ZNRF2: variants seen among roughly 807,000 people sequenced by gnomAD.
ZNRF2 encodes E3 ubiquitin-protein ligase ZNRF2.
ZNRF2 carries 16 observed loss-of-function variants against 20.4 expected under a neutral mutation model. The ratio of observed to expected loss-of-function variants is 0.79; its 90% CI spans 0.53 to 1.19. The LOEUF (loss-of-function observed/expected upper bound fraction) is 1.19. Ranked by LOEUF, ZNRF2 falls within the 50% of genes most tolerant of loss-of-function variation. The probability of loss-of-function intolerance (pLI) is 0.00; values close to 1 mark genes in which losing one functional copy is unlikely to be tolerated. For synonymous variants in ZNRF2, 178 were observed against 144.9 expected, an observed-to-expected ratio of 1.23 and a Z score of -1.64; for missense variants, 363 against 332.4, an observed-to-expected ratio of 1.09 and a Z score of -0.72.
intron 1 of ZNRF2, among the ~76,000 whole-genome samples, chr7:30,314,306 G>T (rs753750796): frequency 1.3e-5 from 2 of 151,988 alleles, no homozygotes; most frequent in Non-Finnish European, 2.9e-5. Context: ...ATTTTATGGG[G>T]CACACGTAAC....
chr7:30,323,608 T>C (rs771050118), intron 1 of ZNRF2, 34 bp from the exon 2 acceptor site: 1 of 1,387,718 alleles, frequency 7.2e-7, no homozygotes, highest in Admixed American at 2.2e-5. Flanking sequence ...ATATTCAGAA[T>C]AGTTAAGTAA....
intron 2 of ZNRF2, among the ~76,000 whole-genome samples, chr7:30,352,250 TAAAC>T (rs1442854977): frequency 2.6e-5 from 4 of 151,990 alleles, no homozygotes; most frequent in Non-Finnish European, 2.9e-5. Context: ...TCTTTCTACT[TAAAC>T]AAGCTATTCT....
chr7:30,298,364 G>T (rs1459174153), intron 1 of ZNRF2, among the ~76,000 whole-genome samples: 1 of 152,084 alleles, frequency 6.6e-6, no homozygotes, highest in African/African-American at 2.4e-5. Context: ...TAAATGTTTG[G>T]TGATCTTTGG....
intron 1 of ZNRF2, 120 bp from the exon 2 acceptor site, chr7:30,323,522 A>G (rs1295416929): frequency 8.9e-6 from 5 of 562,814 alleles, no homozygotes; most frequent in East Asian, 3.2e-5. Flanking sequence ...GCACATAAAC[A>G]GTGTAATGCA....
At chr7:30,294,049 CGCTATATTG>C (rs1479536427) in intron 1 of ZNRF2, among the ~76,000 whole-genome samples, 1 of 151,926 alleles carries the variant, frequency 6.6e-6, no homozygotes, top group East Asian at 1.9e-4. Context: ...AACAGGGTCT[CGCTATATTG>C]CCCAGGCAGG....
At chr7:30,296,910 G>A (rs1030664203) in intron 1 of ZNRF2, among the ~76,000 whole-genome samples, 3 of 152,158 alleles carry the variant, frequency 2.0e-5, no homozygotes, top group Non-Finnish European at 2.9e-5. Context: ...TAAGAAGTCG[G>A]TGGTAGAGTA....
At chr7:30,301,904 CT>C (rs2128057923) in intron 1 of ZNRF2, among the ~76,000 whole-genome samples, 1 of 152,232 alleles carries the variant, frequency 6.6e-6, no homozygotes, top group African/African-American at 2.4e-5. Flanking sequence ...CAGGAGCATG[CT>C]GCTGCTTGTT....
At chr7:30,291,143 A>C (rs114906738) in intron 1 of ZNRF2, among the ~76,000 whole-genome samples, 1 of 152,364 alleles carries the variant, frequency 6.6e-6, no homozygotes, top group South Asian at 2.1e-4. Flanking sequence ...AAAAATCCAC[A>C]AAAGTGTGGG....
chr7:30,309,852 A>G (rs138697674), intron 1 of ZNRF2, among the ~76,000 whole-genome samples: 9 of 152,304 alleles, frequency 5.9e-5, no homozygotes, highest in Non-Finnish European at 1.0e-4. Flanking sequence ...AAATTTGTAA[A>G]AAGTTTTAGG....
At chr7:30,360,173 AAG>A (rs1800104406) in intron 3 of ZNRF2, among the ~76,000 whole-genome samples, 1 of 152,228 alleles carries the variant, frequency 6.6e-6, no homozygotes, top group Admixed American at 6.5e-5. Flanking sequence ...GAAGGCAATA[AAG>A]AGTTTCTGCC....
intron 1 of ZNRF2, among the ~76,000 whole-genome samples, chr7:30,313,805 C>T (rs1300416407): frequency 6.6e-6 from 1 of 152,232 alleles, no homozygotes; most frequent in African/African-American, 2.4e-5. Flanking sequence ...TCATTCACTA[C>T]CTTCCTCCCC....
intron 2 of ZNRF2, among the ~76,000 whole-genome samples, chr7:30,328,644 A>T (rs76522734): frequency 0.011 from 1,705 of 152,298 alleles, 16 homozygotes; most frequent in South Asian, 0.022. Flanking sequence ...TGTCACAGAG[A>T]TGATATTTGA....
intron 2 of ZNRF2, among the ~76,000 whole-genome samples, chr7:30,324,476 G>A (rs1799521446): frequency 6.6e-6 from 1 of 151,304 alleles, no homozygotes; most frequent in Non-Finnish European, 1.5e-5. Context: ...TTGAACCCAG[G>A]AGGCGAAAGT....
intron 2 of ZNRF2, among the ~76,000 whole-genome samples, chr7:30,352,520 T>G (rs1799975278): frequency 6.6e-6 from 1 of 152,072 alleles, no homozygotes; most frequent in Admixed American, 6.5e-5. Flanking sequence ...AATGCGCTCA[T>G]TTAACTTTTA....
At chr7:30,364,341 CTTA>C in intron 4 of ZNRF2, among the ~76,000 whole-genome samples, 1 of 152,274 alleles carries the variant, frequency 6.6e-6, no homozygotes. Context: ...TTCCTGTGAA[CTTA>C]CTTAGATCAT....
chr7:30,344,607 A>G (rs1799848397), intron 2 of ZNRF2, among the ~76,000 whole-genome samples: 3 of 152,130 alleles, frequency 2.0e-5, no homozygotes, highest in African/African-American at 2.4e-5. Flanking sequence ...TTTGCTAGGT[A>G]GATACTTTAT....
chr7:30,354,515 T>C (rs978114235), intron 2 of ZNRF2, among the ~76,000 whole-genome samples: 23 of 152,150 alleles, frequency 1.5e-4, no homozygotes, highest in Admixed American at 1.3e-3. Flanking sequence ...CCACTTCTTA[T>C]AGAATGAATT....
In ZNRF2 at chr7:30,285,460, G is replaced by T; in HGVS notation, c.103G>T (p.Ala35Ser). The change falls in exon 1 of 5, where the codon GCG (alanine) becomes TCG (serine). Residue 35 changes from alanine (A) to serine (S), a missense_variant. Physicochemically the swap from Ala to Ser is moderately conservative, Grantham distance 99. Transcript: ENST00000323037. ...SSSSGGANGT[A>S]GGGGGARAAA... The stretch of plus-strand genomic sequence containing the variant: ...TAGCAGCGGAGGCGCCAATGGGACC[G>T]CGGGCGGCGGCGGGGGCGCTCGGGC... The T allele has an allele frequency of 8.9e-7, 1 of 1,129,818 alleles. No individual in the cohort carries two copies. 70.0% of individuals were successfully genotyped at this position (1,129,818 alleles called of 1,614,324 possible).
At chr7:30,349,616 A>T (rs946506098) in intron 2 of ZNRF2, among the ~76,000 whole-genome samples, 4 of 152,016 alleles carry the variant, frequency 2.6e-5, no homozygotes, top group African/African-American at 9.7e-5. Flanking sequence ...TATTACCCAG[A>T]TTGCTGGACT....
Sources: allele counts gnomAD v4.1 joint callset (sites outside exome capture counted in the v4.1 genomes callset), GRCh38; gene constraint gnomAD v4.1.1; transcripts MANE v1.5; gene names NCBI Gene and HGNC (gene_info 2026-07-23, HGNC 2026-07-21).